KLHL14: variants seen among roughly 807,000 people sequenced by gnomAD.
KLHL14 encodes kelch-like protein 14.
In KLHL14, 22 loss-of-function variants were observed where a neutral mutation model predicts 64.3. The ratio of observed to expected loss-of-function variants is 0.34; its 90% confidence interval spans 0.24 to 0.49. KLHL14 has a LOEUF of 0.49. Among genes scored for constraint, KLHL14 ranks in the 20% least tolerant of loss-of-function variants. The probability of loss-of-function intolerance (pLI) is 0.99; values close to 1 mark genes in which losing one functional copy is unlikely to be tolerated. For synonymous variants in KLHL14, 322 were observed against 333.4 expected, an observed-to-expected ratio of 0.97 and a Z score of 0.37; for missense variants, 661 against 789.0, an observed-to-expected ratio of 0.84 and a Z score of 1.94.
intron 3 of KLHL14, among the ~76,000 whole-genome samples, chr18:32,700,911 G>T (rs2049963257): frequency 6.6e-6 from 1 of 152,126 alleles, no homozygotes; most frequent in South Asian, 2.1e-4. Context: ...GCTGTGCAGG[G>T]TGCAGGTGCA....
intron 2 of KLHL14, among the ~76,000 whole-genome samples, chr18:32,761,100 A>G (rs1338689174): frequency 1.3e-5 from 2 of 152,238 alleles, no homozygotes; most frequent in Admixed American, 6.5e-5. Flanking sequence ...TAGTTTTTCT[A>G]CAATCTCAGC....
intron 5 of KLHL14, among the ~76,000 whole-genome samples, chr18:32,686,121 C>A (rs1049631421): frequency 6.6e-6 from 1 of 150,590 alleles, no homozygotes; most frequent in African/African-American, 2.4e-5. Context: ...AAGCGATTCT[C>A]CTGCCTCAGC....
chr18:32,699,820 G>A (rs1275592661), intron 3 of KLHL14, among the ~76,000 whole-genome samples: 1 of 152,014 alleles, frequency 6.6e-6, no homozygotes, highest in African/African-American at 2.4e-5. Context: ...TATAAATCTG[G>A]ATATTTGAAT....
intron 3 of KLHL14, chr18:32,734,097 C>T (rs1598568944): frequency 1.4e-6 from 1 of 699,600 alleles, no homozygotes; most frequent in Admixed American, 2.0e-5. Context: ...GCTTTGAGCA[C>T]AGCAGAAGAA....
At chr18:32,728,695 AG>A (rs1248337622) in intron 3 of KLHL14, among the ~76,000 whole-genome samples, 1 of 152,194 alleles carries the variant, frequency 6.6e-6, no homozygotes, top group African/African-American at 2.4e-5. Flanking sequence ...GGTCAAAAAA[AG>A]GATGCATTTT....
intron 3 of KLHL14, among the ~76,000 whole-genome samples, chr18:32,718,347 C>A (rs868765877): frequency 6.6e-6 from 1 of 152,172 alleles, no homozygotes; most frequent in Admixed American, 6.6e-5. Flanking sequence ...GCCCTGTTTA[C>A]ATTATTCTCT....
intron 2 of KLHL14, among the ~76,000 whole-genome samples, chr18:32,759,799 C>T (rs948386688): frequency 3.3e-5 from 5 of 151,888 alleles, no homozygotes; most frequent in Non-Finnish European, 7.4e-5. Context: ...AATGGTGGTA[C>T]AGTTGCTATA....
intron 3 of KLHL14, among the ~76,000 whole-genome samples, chr18:32,714,705 C>G (rs116978382): frequency 6.6e-6 from 1 of 152,052 alleles, no homozygotes; most frequent in East Asian, 1.9e-4. Flanking sequence ...ACTCGCCTTT[C>G]GTTAACTGCA....
intron 4 of KLHL14, among the ~76,000 whole-genome samples, chr18:32,691,249 T>A (rs1389290965): frequency 6.6e-6 from 1 of 152,212 alleles, no homozygotes; most frequent in Non-Finnish European, 1.5e-5. Context: ...CTTCATGTGC[T>A]GAGCATTGGT....
intron 2 of KLHL14, 62 bp downstream of exon 2, chr18:32,769,583 C>CA: frequency 9.2e-6 from 6 of 649,462 alleles, no homozygotes; most frequent in East Asian, 4.8e-5. Flanking sequence ...GCCCCCTCCC[C>CA]TCCCTCCGGC....
intron 3 of KLHL14, among the ~76,000 whole-genome samples, chr18:32,698,611 T>G (rs1334777014): frequency 6.6e-6 from 1 of 152,160 alleles, no homozygotes; most frequent in African/African-American, 2.4e-5. Flanking sequence ...AAAAGGTCAC[T>G]TTACTCAGAG....
chr18:32,720,618 G>GCTGTCACT (rs1175873111), intron 3 of KLHL14, among the ~76,000 whole-genome samples: 1 of 152,180 alleles, frequency 6.6e-6, no homozygotes, highest in Admixed American at 6.5e-5. Flanking sequence ...AAGGATGAAT[G>GCTGTCACT]TTCAGGATGC....
Position 32,680,202 on chromosome 18 carries a change from G to A in KLHL14, c.1555C>T (p.Arg519Cys), listed in dbSNP as rs757666427. 13 of 1,613,518 alleles carry A rather than the reference G, an allele frequency of 8.1e-6. No individual in the cohort carries two copies. The highest frequency in any genetic ancestry group is 1.6e-4 in the Middle Eastern group (1 of 6,082). The change falls in exon 7 of 9, where the codon CGC (arginine) becomes TGC (cysteine). Residue 519 changes from arginine to cysteine, a missense_variant. Arg to Cys is a radical substitution (Grantham distance 180). This residue lies in a region of KLHL14 where 330 missense variants were observed against 450.0 expected (regional missense o/e 0.73). Transcript: ENST00000359358. The surrounding 1 kb of genome is among the most constrained non-coding windows in gnomAD (Gnocchi z 4.8). ...TGATTTCCTCCAATTGCATACAAGCGATCATTCATTACAGCCAAAGTGTGA... is the reference window on the plus strand; with the variant it reads ...TGATTTCCTCCAATTGCATACAAGCAATCATTCATTACAGCCAAAGTGTGA... ...AIHTLAVMND[R>C]LYAIGGNHLK...
rs142461282 is a variant in KLHL14 at position 32,675,097 on chromosome 18, G to A, written c.1747-300C>T. ...TGGCTGGGCCCAGTGGCTCATACCT[G>A]TAATCACAGAGCTTTGGCAGCTAGG... On this transcript the variant is annotated intron_variant, in intron 8 of 8. Coordinates refer to ENST00000359358, the MANE Select transcript of KLHL14 (RefSeq NM_020805.3). Among the ~76,000 whole-genome samples, 711 of 152,240 alleles carry A rather than the reference G, an allele frequency of 4.7e-3. 16 individuals carry two copies. Among genetic ancestry groups the A allele is most frequent in the Admixed American group, 0.033 (503 of 15,286 alleles).
intron 2 of KLHL14, among the ~76,000 whole-genome samples, chr18:32,750,682 G>A (rs1019525756): frequency 5.3e-5 from 8 of 152,080 alleles, no homozygotes; most frequent in African/African-American, 1.7e-4. Flanking sequence ...TGGTATCCTT[G>A]ACTCTTCCAT....
intron 3 of KLHL14, among the ~76,000 whole-genome samples, chr18:32,706,771 G>A (rs893313775): frequency 6.6e-6 from 1 of 152,080 alleles, no homozygotes; most frequent in Non-Finnish European, 1.5e-5. Flanking sequence ...CCATCAATAA[G>A]AGAAAATAAT....
intron 3 of KLHL14, among the ~76,000 whole-genome samples, chr18:32,722,550 T>C (rs1241779222): frequency 6.6e-6 from 1 of 152,032 alleles, no homozygotes; most frequent in Admixed American, 6.6e-5. Context: ...GAAAGGTGAA[T>C]CAAACCATGA....
At chr18:32,677,451 C>T (rs1161014670) in intron 7 of KLHL14, 121 bp from the exon 8 acceptor site, 2 of 877,382 alleles carry the variant, frequency 2.3e-6, no homozygotes, top group Admixed American at 6.3e-5. Flanking sequence ...TTTGAAGACA[C>T]AAATGCATAA....
intron 2 of KLHL14, among the ~76,000 whole-genome samples, chr18:32,761,526 A>T (rs1405808718): frequency 6.6e-6 from 1 of 151,284 alleles, no homozygotes; most frequent in African/African-American, 2.4e-5. Context: ...TATTACTTAG[A>T]ATGGCTCATC....
Sources: allele counts gnomAD v4.1 joint callset (sites outside exome capture counted in the v4.1 genomes callset), GRCh38; gene constraint gnomAD v4.1.1; regional missense constraint gnomAD v4.1.1; non-coding constraint Gnocchi (gnomAD v3.1); transcripts MANE v1.5; gene names NCBI Gene and HGNC (gene_info 2026-07-23, HGNC 2026-07-21).